The following SGIP1 variants were observed in gnomAD, a reference collection of about 807,000 sequenced individuals.
SGIP1 encodes the protein SH3GL interacting endocytic adaptor 1.
In SGIP1, 38 loss-of-function variants were observed where a neutral mutation model predicts 107.5. The observed-to-expected ratio is 0.35, with a 90% CI of 0.27 to 0.46. The LOEUF (loss-of-function observed/expected upper bound fraction) is 0.46, where lower values mean the gene tolerates loss of function less well. Ranked by LOEUF, SGIP1 falls within the 20% of genes least tolerant of loss-of-function variation. SGIP1 has a pLI of 1.00. For synonymous variants in SGIP1, 365 were observed against 366.1 expected, an observed-to-expected ratio of 1.00 and a Z score of 0.03; for missense variants, 929 against 1,019.5, an observed-to-expected ratio of 0.91 and a Z score of 1.21.
Position 66,682,110 on chromosome 1 carries a change from C to T in SGIP1, c.1056C>T (p.Leu352=), listed in dbSNP as rs776564225. Residue 352 remains leucine (L), a synonymous_variant, in exon 15 of 25, where the codon CTC becomes CTT. Transcript: ENST00000371037. ...NPADSPAPGP[L]GPPGPTGPPG... is the part of the protein sequence containing the mutation. ...CTGACTCCCCAGCTCCAGGCCCTCT[C>T]GGCCCCCCAGGTCCCACAGGCCCCC... is the stretch of plus-strand genomic sequence containing the variant. The T allele has an allele frequency of 3.3e-5, 53 of 1,614,046 alleles. No homozygotes were observed. The highest frequency in any genetic ancestry group is 9.9e-5 in the South Asian group (9 of 91,092).
At chr1:66,538,865 A>G (rs1047174473) in intron 1 of SGIP1, among the ~76,000 whole-genome samples, 1 of 152,222 alleles carries the variant, frequency 6.6e-6, no homozygotes, top group Admixed American at 6.5e-5. Flanking sequence ...GAAGGAAAGA[A>G]GCTTTAATTG....
At chr1:66,706,874 CT>C (rs1325666072) in intron 18 of SGIP1, among the ~76,000 whole-genome samples, 2 of 152,094 alleles carry the variant, frequency 1.3e-5, no homozygotes, top group African/African-American at 4.8e-5. Flanking sequence ...CCCTTTGACA[CT>C]TCAAAGTATT....
At chr1:66,554,734 A>T (rs2057936242) in intron 1 of SGIP1, among the ~76,000 whole-genome samples, 3 of 152,144 alleles carry the variant, frequency 2.0e-5, no homozygotes, top group Admixed American at 2.0e-4. Context: ...ATATTCAAAA[A>T]TCTGAAAAAA....
chr1:66,724,162 G>A (rs550863404), intron 19 of SGIP1, among the ~76,000 whole-genome samples: 1 of 152,288 alleles, frequency 6.6e-6, no homozygotes, highest in South Asian at 2.1e-4. Context: ...CACATTCCCT[G>A]AACAAAACTG....
chr1:66,681,958 AAGTCTGTT>A lies in SGIP1; in HGVS notation c.905_912del (p.Lys302SerfsTer3). On this transcript the variant is annotated frameshift_variant, in exon 15 of 25. Coordinates refer to ENST00000371037, the MANE Select transcript of SGIP1 (RefSeq NM_032291.4). LOFTEE classifies it high-confidence loss of function. ...CATTTTTGGGCCAGTATTGTCCCCC[AAGTCTGTT>A]GCTGTTAATGCTGAAGAAAAGTGGG... is the stretch of plus-strand genomic sequence containing the variant. 2 of 1,614,228 alleles carry A rather than the reference AAGTCTGTT, an allele frequency of 1.2e-6. No individual in the cohort carries two copies. Among genetic ancestry groups the A allele is most frequent in the Non-Finnish European group, 1.7e-6 (2 of 1,180,044 alleles).
chr1:66,645,695 A>G (rs2077533191), intron 7 of SGIP1, among the ~76,000 whole-genome samples: 1 of 152,194 alleles, frequency 6.6e-6, no homozygotes, highest in Non-Finnish European at 1.5e-5. Context: ...GTGAGCTGTT[A>G]CTACTTTAGG....
At chr1:66,638,649 T>C (rs1425050108) in intron 4 of SGIP1, among the ~76,000 whole-genome samples, 2 of 152,200 alleles carry the variant, frequency 1.3e-5, no homozygotes, top group Admixed American at 6.5e-5. Flanking sequence ...GCCCTGCTAG[T>C]CCATAGAATG....
intron 1 of SGIP1, among the ~76,000 whole-genome samples, chr1:66,607,835 A>G (rs1040600929): frequency 6.6e-6 from 1 of 152,264 alleles, no homozygotes; most frequent in African/African-American, 2.4e-5. Context: ...TTCTCTCTTC[A>G]TTTAAATTTC....
Position 66,555,051 on chromosome 1 carries a change from A to G in SGIP1, c.10+20683A>G, listed in dbSNP as rs574966858. On this transcript the variant is annotated intron_variant, in intron 1 of 24. Coordinates refer to ENST00000371037, the MANE Select transcript of SGIP1 (RefSeq NM_032291.4). ...CTCATAAGTTCAGTCACCAAGTACT[A>G]TCAGTGCTCTATTCAGAATGCCTCT... is the stretch of plus-strand genomic sequence containing the variant. Among the ~76,000 whole-genome samples, 114 of 152,200 alleles carry G rather than the reference A, an allele frequency of 7.5e-4. 1 individual carries two copies. Among genetic ancestry groups the G allele is most frequent in the African/African-American group, 2.6e-3 (109 of 41,550 alleles).
chr1:66,559,610 G>T (rs971626477), intron 1 of SGIP1, among the ~76,000 whole-genome samples: 1 of 152,010 alleles, frequency 6.6e-6, no homozygotes, highest in Admixed American at 6.6e-5. Context: ...CTGGGCTTTC[G>T]TTTCTCTACT....
intron 1 of SGIP1, among the ~76,000 whole-genome samples, chr1:66,608,706 G>C (rs1265153621): frequency 1.3e-5 from 2 of 152,056 alleles, no homozygotes; most frequent in East Asian, 3.9e-4. Context: ...CTGATTTTCT[G>C]CTGTTTTTCT....
Position 66,743,188 on chromosome 1 carries a change from A to C in SGIP1, c.*93A>C, listed in dbSNP as rs905531184. The C allele has an allele frequency of 7.7e-7, 1 of 1,301,268 alleles. No homozygotes were observed. The highest frequency in any genetic ancestry group is 1.1e-6 in the Non-Finnish European group (1 of 908,818). 80.6% of individuals were successfully genotyped at this position (1,301,268 alleles called of 1,614,324 possible). A position where few individuals can be genotyped will look rare whatever the true frequency, so the allele number is the denominator to read the frequency against. The stretch of plus-strand genomic sequence containing the variant: ...ATTTTGGTTTGATGAAAACAAACCA[A>C]TATCTGCACTTGGGATATATCAGGT... On this transcript the variant is annotated 3_prime_UTR_variant, in exon 25 of 25. Transcript: ENST00000371037.
chr1:66,545,830 C>T (rs1319348897), intron 1 of SGIP1, among the ~76,000 whole-genome samples: 2 of 152,062 alleles, frequency 1.3e-5, no homozygotes, highest in East Asian at 3.9e-4. Flanking sequence ...ATGTTAAGCT[C>T]CCAATAAATC....
chr1:66,581,639 G>C (rs2061839254), intron 1 of SGIP1, among the ~76,000 whole-genome samples: 1 of 151,946 alleles, frequency 6.6e-6, no homozygotes, highest in Admixed American at 6.6e-5. Flanking sequence ...AGTTTAAAAT[G>C]CTTTGCCTGT....
rs184557083 is a variant in SGIP1 at position 66,685,927 on chromosome 1, A to C, written c.1316-3221A>C. Among the ~76,000 whole-genome samples, 8 of 152,348 alleles carry C rather than the reference A, an allele frequency of 5.3e-5. No individual in the cohort carries two copies. In the South Asian group the frequency reaches 1.7e-3, roughly 32 times the overall value. On this transcript the variant is annotated intron_variant, in intron 15 of 24. Coordinates refer to ENST00000371037, the MANE Select transcript of SGIP1 (RefSeq NM_032291.4). Reference sequence around the variant, plus strand: ...CATCAAAAAGAGAAACATAGCATACAATCATTTACATACATATTTAGTGGT... The same window carrying C: ...CATCAAAAAGAGAAACATAGCATACCATCATTTACATACATATTTAGTGGT...
chr1:66,551,235 A>T (rs2057354772), intron 1 of SGIP1, among the ~76,000 whole-genome samples: 1 of 152,162 alleles, frequency 6.6e-6, no homozygotes, highest in African/African-American at 2.4e-5. Context: ...GCATTGTATG[A>T]TAAAGCAAAC....
At chr1:66,727,653 AT>A (rs1441949033) in intron 19 of SGIP1, among the ~76,000 whole-genome samples, 2 of 152,196 alleles carry the variant, frequency 1.3e-5, no homozygotes, top group African/African-American at 4.8e-5. Context: ...AGGTGAATGT[AT>A]TTTTTAAAAC....
At chr1:66,595,161 G>A (rs772125640) in intron 1 of SGIP1, among the ~76,000 whole-genome samples, 1 of 152,130 alleles carries the variant, frequency 6.6e-6, no homozygotes, top group African/African-American at 2.4e-5. Context: ...CATACACTTC[G>A]TGCTGATCAT....
intron 1 of SGIP1, among the ~76,000 whole-genome samples, chr1:66,568,558 T>A (rs2059964588): frequency 6.6e-6 from 1 of 152,070 alleles, no homozygotes; most frequent in Non-Finnish European, 1.5e-5. Flanking sequence ...AGAGAGGACG[T>A]CCTTGTCCTG....
Sources: allele counts gnomAD v4.1 joint callset (sites outside exome capture counted in the v4.1 genomes callset), GRCh38; gene constraint gnomAD v4.1.1; transcripts MANE v1.5; gene names NCBI Gene and HGNC (gene_info 2026-07-23, HGNC 2026-07-21).